TRHDE: variants seen among roughly 807,000 people sequenced by gnomAD.
TRHDE encodes the protein thyrotropin-releasing hormone-degrading ectoenzyme.
TRHDE carries 72 observed loss-of-function variants against 125.7 expected under a neutral mutation model. That is an observed-to-expected ratio of 0.57 (90% CI 0.47 to 0.70). The LOEUF (loss-of-function observed/expected upper bound fraction) is 0.70. Ranked by LOEUF, TRHDE falls within the 30% of genes least tolerant of loss-of-function variation. The probability of loss-of-function intolerance (pLI) is 0.00; values close to 1 mark genes in which losing one functional copy is unlikely to be tolerated. For synonymous variants in TRHDE, 509 were observed against 509.1 expected (o/e 1.00, Z 0.00); for missense variants, 1,110 against 1,327.1 (o/e 0.84, Z 2.54).
At chr12:72,296,186 T>A (rs535017025) in intron 2 of TRHDE, among the ~76,000 whole-genome samples, 35 of 152,256 alleles carry the variant, frequency 2.3e-4, no homozygotes, top group Non-Finnish European at 4.7e-4. Context: ...TCAATTTCCA[T>A]CAGAGATACC....
intron 12 of TRHDE, among the ~76,000 whole-genome samples, chr12:72,581,888 G>A (rs1246755872): frequency 1.3e-5 from 2 of 151,962 alleles, no homozygotes; most frequent in Non-Finnish European, 2.9e-5. Flanking sequence ...AGATCACGAG[G>A]TCAGGAGATC....
intron 1 of TRHDE, among the ~76,000 whole-genome samples, chr12:72,103,389 G>A: frequency 6.6e-6 from 1 of 152,170 alleles, no homozygotes; most frequent in East Asian, 1.9e-4. Context: ...AGGAGACAGA[G>A]TTAATAAGGC....
At chr12:72,318,324 C>T (rs1272227830) in intron 2 of TRHDE, among the ~76,000 whole-genome samples, 2 of 151,998 alleles carry the variant, frequency 1.3e-5, no homozygotes, top group Non-Finnish European at 2.9e-5. Context: ...CTCAATACAT[C>T]GTATCTAGAA....
intron 2 of TRHDE, among the ~76,000 whole-genome samples, chr12:72,182,435 C>T (rs752074605): frequency 2.0e-5 from 3 of 152,154 alleles, no homozygotes; most frequent in Non-Finnish European, 4.4e-5. Flanking sequence ...TTCAGTGGTA[C>T]CAAAATATCA....
At chr12:72,588,976 T>C (rs182689509) in intron 12 of TRHDE, among the ~76,000 whole-genome samples, 157 of 152,282 alleles carry the variant, frequency 1.0e-3, no homozygotes, top group Non-Finnish European at 1.8e-3. Context: ...TCCTGAGAAC[T>C]CACTATCACA....
intron 15 of TRHDE, among the ~76,000 whole-genome samples, chr12:72,625,465 A>G (rs891506913): frequency 6.6e-6 from 1 of 151,828 alleles, no homozygotes; most frequent in Admixed American, 6.6e-5. Context: ...TGAAACCGAA[A>G]AAAAAAGTCA....
At position 72,299,065 on chromosome 12, in the gene TRHDE, T is replaced by C. The variant is rs1337674462; in HGVS notation, c.1188+12111T>C. ...TAAGACAAAATTATATTCTAAAGGT[T>C]GATGTCACTCAGATTCAAATGGTTC... On this transcript the variant is annotated intron_variant, in intron 2 of 18. Transcript: ENST00000261180. 2.0e-5 allele frequency among the ~76,000 whole-genome samples: 3 copies of C among 152,192 alleles called. No individual in the cohort carries two copies. The East Asian group carries it at 5.8e-4, about 29-fold the overall frequency.
chr12:72,172,865 G>C (rs1305782962), intron 2 of TRHDE, among the ~76,000 whole-genome samples: 1 of 152,098 alleles, frequency 6.6e-6, no homozygotes, highest in African/African-American at 2.4e-5. Context: ...TTTAATGTTG[G>C]TTTTACTCAA....
At chr12:72,641,810 C>G (rs1874073732) in intron 15 of TRHDE, among the ~76,000 whole-genome samples, 1 of 152,078 alleles carries the variant, frequency 6.6e-6, no homozygotes, top group African/African-American at 2.4e-5. Context: ...TAGTTTCATT[C>G]CACTGTTTTT....
intron 3 of TRHDE, among the ~76,000 whole-genome samples, chr12:72,459,603 G>C (rs1269944229): frequency 6.6e-6 from 1 of 152,080 alleles, no homozygotes; most frequent in Non-Finnish European, 1.5e-5. Flanking sequence ...TCTAGCTACA[G>C]TAGTAGCTAG....
At chr12:72,420,005 A>G (rs1385076750) in intron 3 of TRHDE, among the ~76,000 whole-genome samples, 1 of 152,182 alleles carries the variant, frequency 6.6e-6, no homozygotes, top group Non-Finnish European at 1.5e-5. Flanking sequence ...GTCAACAAAT[A>G]AATAAAAACA....
At chr12:72,223,461 A>G (rs186585921) in intron 2 of TRHDE, among the ~76,000 whole-genome samples, 2 of 152,124 alleles carry the variant, frequency 1.3e-5, no homozygotes, top group Non-Finnish European at 1.5e-5. Context: ...ATCTTTTCCC[A>G]TAATTGCTCA....
intron 2 of TRHDE, chr12:72,186,233 C>A (rs1048995547): frequency 1.2e-5 from 2 of 170,508 alleles, no homozygotes; most frequent in Non-Finnish European, 2.4e-5. Flanking sequence ...ACTCCTGAGC[C>A]CAGCGAGACC....
chr12:72,156,223 C>T (rs771835366), intron 2 of TRHDE, among the ~76,000 whole-genome samples: 26 of 152,150 alleles, frequency 1.7e-4, no homozygotes, highest in Admixed American at 1.2e-3. Context: ...CCTGGTGTGC[C>T]GTTTGCTAAG....
chr12:72,091,047 A>G (rs1180418527), intron 1 of TRHDE, among the ~76,000 whole-genome samples: 1 of 151,716 alleles, frequency 6.6e-6, no homozygotes, highest in East Asian at 1.9e-4. Flanking sequence ...TTTTTATTTT[A>G]TTTTTTTGCA....
chr12:72,283,844 C>T (rs1487759649), intron 1 of TRHDE, among the ~76,000 whole-genome samples: 1 of 151,920 alleles, frequency 6.6e-6, no homozygotes, highest in African/African-American at 2.4e-5. Flanking sequence ...TGTTGTAGAA[C>T]TCTTCCCCTA....
chr12:72,221,215 T>TG (rs992277966), intron 2 of TRHDE, among the ~76,000 whole-genome samples: 1 of 152,020 alleles, frequency 6.6e-6, no homozygotes, highest in African/African-American at 2.4e-5. Context: ...TATGCGTTTT[T>TG]GGGGAAAAAT....
intron 5 of TRHDE, among the ~76,000 whole-genome samples, chr12:72,489,994 G>A (rs1205393557): frequency 6.6e-6 from 1 of 151,402 alleles, no homozygotes; most frequent in Non-Finnish European, 1.5e-5. Flanking sequence ...TAAATAAATG[G>A]GACTACATCA....
At chr12:72,484,790 A>T (rs1054260252) in intron 5 of TRHDE, among the ~76,000 whole-genome samples, 2 of 152,198 alleles carry the variant, frequency 1.3e-5, no homozygotes, top group East Asian at 3.9e-4. Context: ...TGTCAGCAAG[A>T]TGGCCAACAA....
Sources: gnomAD v4.1 joint callset for allele counts (sites outside exome capture counted in the v4.1 genomes callset) on GRCh38, gnomAD v4.1.1 for gene constraint, MANE v1.5 for transcripts, NCBI Gene and HGNC (gene_info 2026-07-23, HGNC 2026-07-21) for gene names.